Variants in PUM1 observed in about 807,000 individuals in gnomAD.
PUM1 encodes the protein pumilio homolog 1.
A neutral mutation model predicts 131.8 loss-of-function variants in PUM1; 13 were observed. The observed-to-expected ratio is 0.10, with a 90% confidence interval of 0.06 to 0.16. PUM1 has a LOEUF of 0.16. Ranked by LOEUF, PUM1 falls within the 10% of genes least tolerant of loss-of-function variation. PUM1 has a pLI of 1.00. For missense variants in PUM1, 961 were observed against 1,512.4 expected (o/e 0.64, Z 6.05); for synonymous variants, 509 against 556.5 (o/e 0.91, Z 1.20).
intron 14 of PUM1, among the ~76,000 whole-genome samples, chr1:30,962,612 A>G (rs967503196): frequency 8.6e-5 from 13 of 151,926 alleles, no homozygotes; most frequent in Admixed American, 1.3e-4. Flanking sequence ...GGGCTTCACT[A>G]TGTTGGCCAG....
chr1:31,039,781 C>T (rs1042469280), intron 2 of PUM1, among the ~76,000 whole-genome samples: 3 of 152,060 alleles, frequency 2.0e-5, no homozygotes, highest in South Asian at 4.1e-4. Context: ...CACTTGTAAT[C>T]CCAGCTACCT....
chr1:30,954,203 G>A (rs114343564), intron 14 of PUM1, among the ~76,000 whole-genome samples: 1,575 of 152,294 alleles, frequency 0.01, 11 homozygotes, highest in East Asian at 0.033. Flanking sequence ...TGCTTTTACC[G>A]TTGATGGTAG....
chr1:31,064,603 C>G (rs1644439726), intron 1 of PUM1, among the ~76,000 whole-genome samples: 1 of 151,960 alleles, frequency 6.6e-6, no homozygotes, highest in African/African-American at 2.4e-5. Flanking sequence ...AAATCTTATT[C>G]TTAATTAATC....
chr1:30,941,615 C>T (rs6697774), intron 19 of PUM1, among the ~76,000 whole-genome samples: 43,161 of 152,014 alleles, frequency 0.28, 6,619 homozygotes, highest in Non-Finnish European at 0.34. Context: ...CAACAAAAAA[C>T]AAGGGCATAC....
rs2124388014 is a variant in PUM1, at chr1:30,941,133, G to A, written c.3242+18C>T. 1.9e-6 allele frequency: 3 copies of A among 1,605,536 alleles called. No homozygotes were observed. The highest frequency in any genetic ancestry group is 1.7e-4 in the Middle Eastern group (1 of 6,048). On this transcript the variant is annotated intron_variant, in intron 20 of 21. Transcript: ENST00000426105. ...TCCTCTCTTCTGGGAAATAGTCCTT[G>A]TAACTCAAAGCACGTACCTTGCAAA...
At chr1:31,023,461 TTC>T (rs879440055) in intron 3 of PUM1, among the ~76,000 whole-genome samples, 1 of 152,098 alleles carries the variant, frequency 6.6e-6, no homozygotes, top group Non-Finnish European at 1.5e-5. Context: ...AAGCCTCCAA[TTC>T]TATTAAGACA....
intron 5 of PUM1, among the ~76,000 whole-genome samples, chr1:31,003,442 G>A (rs1570249888): frequency 6.6e-6 from 1 of 152,144 alleles, no homozygotes. Context: ...AAAATCAAGA[G>A]GATACAACCA....
At chr1:31,004,689 C>T (rs1642337358) in intron 5 of PUM1, among the ~76,000 whole-genome samples, 1 of 152,102 alleles carries the variant, frequency 6.6e-6, no homozygotes, top group Non-Finnish European at 1.5e-5. Context: ...CTGTACTTGA[C>T]ACTTGAGAAA....
chr1:31,000,452 A>C (rs76755516), intron 5 of PUM1, among the ~76,000 whole-genome samples: 9 of 152,328 alleles, frequency 5.9e-5, no homozygotes, highest in African/African-American at 2.2e-4. Flanking sequence ...AGAAATTGCT[A>C]AATATCAAAG....
At chr1:31,042,948 C>T (rs1643867600) in intron 2 of PUM1, among the ~76,000 whole-genome samples, 1 of 152,070 alleles carries the variant, frequency 6.6e-6, no homozygotes, top group South Asian at 2.1e-4. Context: ...AGGCTGGTCT[C>T]GAATTCCTGA....
At chr1:30,972,197 G>C (rs990175959) in intron 10 of PUM1, among the ~76,000 whole-genome samples, 1 of 146,644 alleles carries the variant, frequency 6.8e-6, no homozygotes, top group Non-Finnish European at 1.5e-5. Flanking sequence ...GAAGGTTGCA[G>C]TGAGCAAACT....
At chr1:30,960,080 C>T (rs2124429691) in intron 14 of PUM1, among the ~76,000 whole-genome samples, 1 of 152,204 alleles carries the variant, frequency 6.6e-6, no homozygotes, top group South Asian at 2.1e-4. Flanking sequence ...TACCTCCACC[C>T]CCTGCCAAGA....
chr1:30,942,191 T>TTATATATATATATATATATATATATATA (rs58848270), intron 18 of PUM1, 68 bp from the exon 19 acceptor site: 1 of 143,384 alleles, frequency 7.0e-6, no homozygotes. Context: ...TCAGTATTGT[T>TTATATATATATATATATATATATATATA]TATATATATA....
intron 17 of PUM1, 56 bp from the exon 18 acceptor site, chr1:30,945,539 A>G: frequency 1.3e-6 from 2 of 1,589,000 alleles, no homozygotes; most frequent in South Asian, 1.1e-5. Flanking sequence ...ATGTGGACAA[A>G]TAATATTCTT....
At chr1:30,963,838 G>A (rs1640517692) in intron 14 of PUM1, among the ~76,000 whole-genome samples, 1 of 152,142 alleles carries the variant, frequency 6.6e-6, no homozygotes, top group Admixed American at 6.6e-5. Context: ...TGGTTTGCAT[G>A]ATACATTATA....
At chr1:30,941,653 G>T (rs747491020) in intron 19 of PUM1, among the ~76,000 whole-genome samples, 2 of 152,168 alleles carry the variant, frequency 1.3e-5, no homozygotes, top group African/African-American at 2.4e-5. Flanking sequence ...GGTATAAGCA[G>T]AGAATGTATC....
At chr1:30,974,563 T>G in intron 10 of PUM1, 88 bp downstream of exon 10, 1 of 1,286,052 alleles carries the variant, frequency 7.8e-7, no homozygotes, top group African/African-American at 1.5e-5. Flanking sequence ...GCATTCACAG[T>G]GTTTTTCTAT....
intron 11 of PUM1, 89 bp downstream of exon 11, chr1:30,968,265 T>A (rs1346659905): frequency 1.3e-6 from 2 of 1,560,294 alleles, no homozygotes; most frequent in African/African-American, 2.7e-5. Context: ...CTAAGCAAGG[T>A]GAAAGCACTG....
At chr1:30,984,275 C>G (rs185671233) in intron 7 of PUM1, among the ~76,000 whole-genome samples, 184 of 152,302 alleles carry the variant, frequency 1.2e-3, no homozygotes, top group Non-Finnish European at 2.2e-3. Flanking sequence ...TTGGCACATT[C>G]TCTTTATGTA....
Sources: gnomAD v4.1 joint callset for allele counts (sites outside exome capture counted in the v4.1 genomes callset) on GRCh38, gnomAD v4.1.1 for gene constraint, MANE v1.5 for transcripts, NCBI Gene and HGNC (gene_info 2026-07-23, HGNC 2026-07-21) for gene names.